Variants in ATP8A2 observed in about 807,000 individuals in gnomAD.
ATP8A2 encodes the protein phospholipid-transporting ATPase IB.
A neutral mutation model predicts 165.6 loss-of-function variants in ATP8A2; 100 were observed. The ratio of observed to expected loss-of-function variants is 0.60; its 90% CI spans 0.51 to 0.71. ATP8A2 has a LOEUF of 0.71. Among genes scored for constraint, ATP8A2 ranks in the 30% least tolerant of loss-of-function variants. The pLI is 0.00. For missense variants in ATP8A2, 1,227 were observed against 1,479.5 expected (o/e 0.83, Z 2.80); for synonymous variants, 543 against 548.8 (o/e 0.99, Z 0.15).
At chr13:25,772,962 G>A (rs187231107) in intron 26 of ATP8A2, among the ~76,000 whole-genome samples, 35 of 151,992 alleles carry the variant, frequency 2.3e-4, no homozygotes, top group Non-Finnish European at 4.6e-4. Flanking sequence ...GTTTCACCAC[G>A]TTGGCCAGAC....
chr13:25,923,694 T>TA (rs373096826), intron 33 of ATP8A2, among the ~76,000 whole-genome samples: 20 of 148,904 alleles, frequency 1.3e-4, no homozygotes, highest in South Asian at 6.4e-4. Context: ...ATCAAAATAA[T>TA]AAAAAAAAAT....
chr13:25,617,646 G>GT (rs1449717375), intron 24 of ATP8A2, among the ~76,000 whole-genome samples: 4 of 151,998 alleles, frequency 2.6e-5, no homozygotes, highest in African/African-American at 7.2e-5. Context: ...TGTTTATTGT[G>GT]TTTTTTTGTT....
intron 35 of ATP8A2, among the ~76,000 whole-genome samples, chr13:25,970,345 A>G (rs1052461781): frequency 1.3e-5 from 2 of 152,202 alleles, no homozygotes; most frequent in Non-Finnish European, 2.9e-5. Context: ...TTGAGCAATC[A>G]AGAAAGGCTT....
At chr13:25,448,580 CT>C (rs1331055993) in intron 1 of ATP8A2, among the ~76,000 whole-genome samples, 1 of 152,150 alleles carries the variant, frequency 6.6e-6, no homozygotes, top group African/African-American at 2.4e-5. Flanking sequence ...ATTACATATT[CT>C]TTTGTAGCAT....
In ATP8A2 at chr13:25,591,408, T is replaced by C. The variant is rs1361215801; in HGVS notation, c.2211+1709T>C. ...TCGTGTAAGTTCAATCATATAGTAT[T>C]TGTGATTTTTATGACTAGCTCATTT... is the stretch of plus-strand genomic sequence containing the variant. On this transcript the variant is annotated intron_variant, in intron 24 of 36. Transcript: ENST00000381655. The C allele has an allele frequency of 6.6e-6, 3 of 455,860 alleles. No individual in the cohort carries two copies. The Admixed American group carries it at 7.1e-5, about 11-fold the overall frequency. 28.2% of individuals were successfully genotyped at this position (455,860 alleles called of 1,614,324 possible).
At chr13:25,655,068 C>T (rs1488293115) in intron 24 of ATP8A2, among the ~76,000 whole-genome samples, 1 of 152,204 alleles carries the variant, frequency 6.6e-6, no homozygotes, top group Non-Finnish European at 1.5e-5. Context: ...GGTTAGAAGA[C>T]TTAGAAGAGT....
chr13:25,843,646 A>G (rs1951795707), intron 30 of ATP8A2, among the ~76,000 whole-genome samples: 1 of 152,200 alleles, frequency 6.6e-6, no homozygotes, highest in South Asian at 2.1e-4. Context: ...CTCCAGAACT[A>G]TAAGAAATGA....
chr13:25,916,936 T>C (rs982854662), intron 33 of ATP8A2, among the ~76,000 whole-genome samples: 6 of 152,228 alleles, frequency 3.9e-5, no homozygotes, highest in African/African-American at 1.4e-4. Flanking sequence ...GGGCACTTGC[T>C]GAGTCCTAGA....
chr13:25,976,904 C>T (rs1444911465), intron 35 of ATP8A2, among the ~76,000 whole-genome samples: 1 of 152,172 alleles, frequency 6.6e-6, no homozygotes, highest in South Asian at 2.1e-4. Flanking sequence ...TTCTCTGCCT[C>T]AGCCTCCTGA....
intron 27 of ATP8A2, among the ~76,000 whole-genome samples, chr13:25,802,212 T>TATA (rs1421721992): frequency 6.6e-6 from 1 of 152,180 alleles, no homozygotes; most frequent in Non-Finnish European, 1.5e-5. Flanking sequence ...TTAGAACTTG[T>TATA]CTTTACAAAT....
intron 2 of ATP8A2, among the ~76,000 whole-genome samples, chr13:25,502,184 T>C (rs948966752): frequency 1.3e-5 from 2 of 152,186 alleles, no homozygotes; most frequent in Non-Finnish European, 2.9e-5. Context: ...ACATGCTGTG[T>C]GGCATGTCAG....
chr13:25,943,875 G>T (rs539961440), intron 33 of ATP8A2, among the ~76,000 whole-genome samples: 1 of 152,182 alleles, frequency 6.6e-6, no homozygotes, highest in Admixed American at 6.5e-5. Flanking sequence ...GCTTTATTGC[G>T]TAATGATGCA....
At chr13:25,382,156 T>C (rs1052489699) in intron 1 of ATP8A2, among the ~76,000 whole-genome samples, 3 of 152,250 alleles carry the variant, frequency 2.0e-5, no homozygotes, top group African/African-American at 7.2e-5. Flanking sequence ...TTTTGCTCTT[T>C]ACACAATGTC....
At chr13:25,541,798 C>G in intron 8 of ATP8A2, 121 bp from the exon 9 acceptor site, 1 of 1,036,872 alleles carries the variant, frequency 9.6e-7, no homozygotes, top group Non-Finnish European at 1.4e-6. Context: ...ACTTGTTAGC[C>G]CCCCAAATTA....
chr13:25,608,400 G>A (rs567952593), intron 24 of ATP8A2, among the ~76,000 whole-genome samples: 6 of 152,158 alleles, frequency 3.9e-5, no homozygotes, highest in Non-Finnish European at 5.9e-5. Flanking sequence ...GTAGACATAG[G>A]ATTACATGAC....
intron 33 of ATP8A2, among the ~76,000 whole-genome samples, chr13:25,884,949 C>G (rs1953098105): frequency 6.6e-6 from 1 of 152,138 alleles, no homozygotes; most frequent in African/African-American, 2.4e-5. Flanking sequence ...GAACTCTCTA[C>G]AGAGATGTAA....
At chr13:25,432,814 T>C (rs567119282) in intron 1 of ATP8A2, among the ~76,000 whole-genome samples, 28 of 152,356 alleles carry the variant, frequency 1.8e-4, no homozygotes, top group African/African-American at 6.2e-4. Context: ...TGTTCTTTCA[T>C]GGAGCCTGGC....
intron 22 of ATP8A2, among the ~76,000 whole-genome samples, chr13:25,580,674 C>G (rs1462985068): frequency 6.6e-6 from 1 of 152,146 alleles, no homozygotes; most frequent in Non-Finnish European, 1.5e-5. Context: ...GCTGGGACTA[C>G]AGTCTCATGC....
At chr13:25,920,942 CGCCTATAGTTCTG>C (rs1954432590) in intron 33 of ATP8A2, among the ~76,000 whole-genome samples, 1 of 151,954 alleles carries the variant, frequency 6.6e-6, no homozygotes, top group Non-Finnish European at 1.5e-5. Flanking sequence ...TGGTGGTGCT[CGCCTATAGTTCTG>C]GCTACTCGGG....
Sources: gnomAD v4.1 joint callset for allele counts (sites outside exome capture counted in the v4.1 genomes callset) on GRCh38, gnomAD v4.1.1 for gene constraint, MANE v1.5 for transcripts, NCBI Gene and HGNC (gene_info 2026-07-23, HGNC 2026-07-21) for gene names.